DPF3: variants seen among roughly 807,000 people sequenced by gnomAD.
DPF3 encodes zinc finger protein DPF3.
A neutral mutation model predicts 56.8 loss-of-function variants in DPF3; 18 were observed. The ratio of observed to expected loss-of-function variants is 0.32; its 90% confidence interval spans 0.22 to 0.47. The LOEUF (loss-of-function observed/expected upper bound fraction) is 0.47, where lower values mean the gene tolerates loss of function less well. Among genes scored for constraint, DPF3 ranks in the 20% least tolerant of loss-of-function variants. DPF3 has a pLI of 1.00. For missense variants in DPF3, 403 were observed against 488.8 expected, an observed-to-expected ratio of 0.82 and a Z score of 1.65; for synonymous variants, 188 against 180.2, an observed-to-expected ratio of 1.04 and a Z score of -0.35.
chr14:72,715,445 T>A (rs1250526101), intron 5 of DPF3, among the ~76,000 whole-genome samples: 1 of 151,952 alleles, frequency 6.6e-6, no homozygotes, highest in African/African-American at 2.4e-5. Context: ...AGCAGTCAAC[T>A]CCCAACCAAG....
At chr14:72,828,537 T>A (rs867416755) in intron 1 of DPF3, among the ~76,000 whole-genome samples, 5 of 86,986 alleles carry the variant, frequency 5.7e-5, no homozygotes, top group Admixed American at 1.3e-4. Context: ...GACCATGTCT[T>A]AAAAAAAAAA....
rs554425084 is a variant in DPF3 at position 72,824,558 on chromosome 14, T to G, written c.33-52665A>C. ...CATTTACGTTTTCTTTTTCTTTTTT[T>G]TTTTTTGTTTGTTTGTTTGTTTGTT... On this transcript the variant is annotated intron_variant, in intron 1 of 10. Transcript: ENST00000556509. Among the ~76,000 whole-genome samples, 6 of 151,680 alleles carry G rather than the reference T, an allele frequency of 4.0e-5. No individual in the cohort carries two copies. The South Asian group carries it at 1.0e-3, about 26-fold the overall frequency.
chr14:72,787,562 C>G (rs959458329), intron 1 of DPF3, among the ~76,000 whole-genome samples: 2 of 152,208 alleles, frequency 1.3e-5, no homozygotes, highest in Admixed American at 1.3e-4. Context: ...TAGTGTCACT[C>G]AGGCAGAGAA....
intron 1 of DPF3, among the ~76,000 whole-genome samples, chr14:72,863,150 G>A (rs931000402): frequency 0.14 from 8,029 of 56,328 alleles, 446 homozygotes; most frequent in Admixed American, 0.26. Context: ...ATATATATGT[G>A]TGTGTGTGTG....
chr14:72,879,975 G>A (rs1886265277), intron 1 of DPF3: 6 of 1,468,152 alleles, frequency 4.1e-6, no homozygotes, highest in Non-Finnish European at 5.4e-6. Context: ...AGGTGAAAAA[G>A]AAACACCCAT....
In DPF3 at chr14:72,629,657, T is replaced by G; in HGVS notation, c.951A>C (p.Lys317Asn). The G allele has an allele frequency of 6.5e-7, 1 of 1,536,050 alleles. No homozygotes were observed. The highest frequency in any genetic ancestry group is 8.7e-7 in the Non-Finnish European group (1 of 1,146,850). ...CTGAGGTCCCACAGAGGATACAGGA[T>G]TTGCACTCTATGCACTGCCACTTGT... is the stretch of plus-strand genomic sequence containing the variant. ...KTYKWQCIEC[K>N]SCILCGTSEN... The change falls in exon 9 of 11, where the codon AAA becomes AAC. Residue 317 changes from lysine (K) to asparagine (N), a missense_variant. This residue lies in a region of DPF3 where 63 missense variants were observed against 114.4 expected (regional missense o/e 0.55). Coordinates refer to ENST00000556509, the MANE Select transcript of DPF3 (RefSeq NM_001280542.3).
At chr14:72,712,529 C>T (rs1048925901) in intron 6 of DPF3, among the ~76,000 whole-genome samples, 2 of 152,056 alleles carry the variant, frequency 1.3e-5, no homozygotes, top group African/African-American at 4.8e-5. Context: ...AAAAGGGATC[C>T]CACGGTCTAT....
intron 1 of DPF3, among the ~76,000 whole-genome samples, chr14:72,865,548 A>AG (rs967423087): frequency 2.6e-4 from 40 of 152,340 alleles, no homozygotes; most frequent in Admixed American, 2.4e-3. Context: ...AGAGATGGAA[A>AG]GGGTTTTCAG....
intron 7 of DPF3, among the ~76,000 whole-genome samples, chr14:72,684,816 G>T (rs1300352829): frequency 1.3e-5 from 2 of 152,086 alleles, no homozygotes; most frequent in African/African-American, 2.4e-5. Flanking sequence ...ACCCCCAAAG[G>T]GATGTTATTT....
chr14:72,624,226 A>G (rs539245819), intron 9 of DPF3, among the ~76,000 whole-genome samples: 9 of 152,140 alleles, frequency 5.9e-5, no homozygotes, highest in South Asian at 2.1e-4. Context: ...TTAACATATT[A>G]TATTACTATA....
intron 1 of DPF3, among the ~76,000 whole-genome samples, chr14:72,846,619 A>G (rs1185886426): frequency 6.8e-6 from 1 of 146,930 alleles, no homozygotes; most frequent in Non-Finnish European, 1.5e-5. Context: ...TACAGGCGTG[A>G]GCCACCACGC....
At chr14:72,695,208 A>C (rs147983453) in intron 6 of DPF3, among the ~76,000 whole-genome samples, 1 of 152,342 alleles carries the variant, frequency 6.6e-6, no homozygotes, top group African/African-American at 2.4e-5. Context: ...TGAGGATAAC[A>C]GTACTTATCT....
chr14:72,709,442 C>A (rs1888559351), intron 6 of DPF3, among the ~76,000 whole-genome samples: 1 of 152,174 alleles, frequency 6.6e-6, no homozygotes, highest in African/African-American at 2.4e-5. Context: ...TAATTCCTTC[C>A]ATCCTACTTC....
At chr14:72,732,023 C>T in intron 3 of DPF3, 89 bp from the exon 4 acceptor site, 1 of 1,497,748 alleles carries the variant, frequency 6.7e-7, no homozygotes, top group East Asian at 2.5e-5. Flanking sequence ...GGGCCCAGGG[C>T]TCCTGAGGAG....
chr14:72,668,707 G>A (rs1278027377), intron 8 of DPF3, among the ~76,000 whole-genome samples: 2 of 151,960 alleles, frequency 1.3e-5, no homozygotes, highest in African/African-American at 4.8e-5. Context: ...CAAGTGTAAA[G>A]GCAAATTGTC....
chr14:72,801,974 T>C (rs1030869963), intron 1 of DPF3, among the ~76,000 whole-genome samples: 2 of 152,172 alleles, frequency 1.3e-5, no homozygotes, highest in African/African-American at 4.8e-5. Context: ...ATACCACCCC[T>C]GCCAGGCATC....
At chr14:72,701,327 C>T (rs562294364) in intron 6 of DPF3, among the ~76,000 whole-genome samples, 1 of 152,204 alleles carries the variant, frequency 6.6e-6, no homozygotes, top group Non-Finnish European at 1.5e-5. Context: ...GTGGCTGTGA[C>T]AATAAGGGAG....
At chr14:72,636,559 T>C (rs1335122920) in intron 8 of DPF3, among the ~76,000 whole-genome samples, 1 of 152,202 alleles carries the variant, frequency 6.6e-6, no homozygotes, top group Non-Finnish European at 1.5e-5. Flanking sequence ...TCAGTCATTA[T>C]ATTGAATCTG....
rs889578327 is a variant in DPF3 at position 72,615,189 on chromosome 14, G to A, written c.*4108C>T. 6.6e-6 allele frequency among the ~76,000 whole-genome samples: 1 copy of A among 152,152 alleles called. No homozygotes were observed. Among genetic ancestry groups the A allele is most frequent in the Admixed American group, 6.5e-5 (1 of 15,288 alleles). Reference sequence around the variant, plus strand: ...TCCACGACAGGCTAAAAACCAGCCTGGGGGGCAGGGATGTGGTCCTCAGGG... The same window carrying A: ...TCCACGACAGGCTAAAAACCAGCCTAGGGGGCAGGGATGTGGTCCTCAGGG... On this transcript the variant is annotated 3_prime_UTR_variant, in exon 11 of 11. Coordinates refer to ENST00000556509, the MANE Select transcript of DPF3 (RefSeq NM_001280542.3).
Sources: allele counts gnomAD v4.1 joint callset (sites outside exome capture counted in the v4.1 genomes callset), GRCh38; gene constraint gnomAD v4.1.1; regional missense constraint gnomAD v4.1.1; transcripts MANE v1.5; gene names NCBI Gene and HGNC (gene_info 2026-07-23, HGNC 2026-07-21).